Variants in RFTN1 observed in about 807,000 individuals in gnomAD.
The protein encoded by RFTN1 is raftlin.
In RFTN1, 26 loss-of-function variants were observed where a neutral mutation model predicts 46.5. The observed-to-expected ratio is 0.56, with a 90% CI of 0.41 to 0.78. The LOEUF is 0.78. RFTN1 is among the 30% of genes least tolerant of loss of function. The pLI is 0.00. For missense variants in RFTN1, 693 were observed against 718.7 expected, an observed-to-expected ratio of 0.96 and a Z score of 0.41; for synonymous variants, 261 against 284.2, an observed-to-expected ratio of 0.92 and a Z score of 0.82.
chr3:16,469,946 G>C (rs570065445), intron 2 of RFTN1, among the ~76,000 whole-genome samples: 32 of 152,310 alleles, frequency 2.1e-4, no homozygotes, highest in Non-Finnish European at 4.0e-4. Flanking sequence ...CAATAACCCA[G>C]AGGAGCTGTG....
At chr3:16,389,193 T>C (rs2074287857) in intron 4 of RFTN1, among the ~76,000 whole-genome samples, 1 of 152,218 alleles carries the variant, frequency 6.6e-6, no homozygotes, top group Non-Finnish European at 1.5e-5. Flanking sequence ...GGCATTGCTA[T>C]CCTAGTTTTA....
At chr3:16,401,614 A>G (rs900713875) in intron 4 of RFTN1, among the ~76,000 whole-genome samples, 1 of 152,222 alleles carries the variant, frequency 6.6e-6, no homozygotes, top group Non-Finnish European at 1.5e-5. Context: ...TCTACCTTGG[A>G]AAAGTGCTAT....
At chr3:16,438,169 A>T (rs979328558) in intron 2 of RFTN1, among the ~76,000 whole-genome samples, 2 of 152,100 alleles carry the variant, frequency 1.3e-5, no homozygotes, top group Non-Finnish European at 2.9e-5. Context: ...AATGATTCAA[A>T]TTTTTCAAAC....
At position 16,348,953 on chromosome 3, in the gene RFTN1, CTAAAAGAGG is replaced by C. The variant is rs1358131757; in HGVS notation, c.1146+8970_1146+8978del. ...GGAGGAGGCAGAGGGAAAATTCTGG[CTAAAAGAGG>C]TAAAAGAGGGACAGACAGCCATCCC... is the stretch of plus-strand genomic sequence containing the variant. On this transcript the variant is annotated intron_variant, in intron 7 of 9. Transcript: ENST00000334133. The surrounding 1 kb of genome is among the most constrained non-coding windows in gnomAD (Gnocchi z 6.3). 6.6e-6 allele frequency among the ~76,000 whole-genome samples: 1 copy of C among 152,148 alleles called. No homozygotes were observed. The highest frequency in any genetic ancestry group is 2.4e-5 in the African/African-American group (1 of 41,422).
rs1277678390 is a variant in RFTN1, at chr3:16,378,065, C to T, written c.479G>A (p.Gly160Asp). ...AGAGGAATGGTACTGAGGTATAACA[C>T]CAACGAATTTCAGGCCCTGGCTTGC... ...EAASQGLKFV[G>D]VIPQYHSSVN... is the part of the protein sequence containing the mutation. Residue 160 changes from glycine (G) to aspartate (D), a missense_variant, in exon 5 of 10, where the codon GGT (glycine) becomes GAT (aspartate). Transcript: ENST00000334133. 5.0e-6 allele frequency: 8 copies of T among 1,611,972 alleles called. No homozygotes were observed. Among genetic ancestry groups the T allele is most frequent in the Non-Finnish European group, 6.8e-6 (8 of 1,178,148 alleles).
Position 16,404,361 on chromosome 3 carries a change from C to T in RFTN1, c.441+5014G>A, listed in dbSNP as rs368988709. On this transcript the variant is annotated intron_variant, in intron 4 of 9. Coordinates refer to ENST00000334133, the MANE Select transcript of RFTN1 (RefSeq NM_015150.2). ...ATATATATAATATATAATATATATA[C>T]ACAATATATAATATATATAATATAT... 1.3e-3 allele frequency among the ~76,000 whole-genome samples: 16 copies of T among 12,072 alleles called. 3 individuals carry two copies. Among genetic ancestry groups the T allele is most frequent in the Admixed American group, 2.8e-3 (2 of 726 alleles). The allele number at this position is 12,072 out of a possible 152,430, so 7.9% of individuals were successfully genotyped here. A position where few individuals can be genotyped will look rare whatever the true frequency, so the allele number is the denominator to read the frequency against.
At position 16,356,607 on chromosome 3, in the gene RFTN1, C is replaced by T. The variant is rs975414698; in HGVS notation, c.1146+1325G>A. ...CTCACCCCCCACCATCCCATCTCCA[C>T]TTCAATAACCAGGCAAGGGACTGCC... On this transcript the variant is annotated intron_variant, in intron 7 of 9. Transcript: ENST00000334133. The surrounding 1 kb of genome is among the most constrained non-coding windows in gnomAD (Gnocchi z 4.9). Among the ~76,000 whole-genome samples, 3 of 152,246 alleles carry T rather than the reference C, an allele frequency of 2.0e-5. No homozygotes were observed. Among genetic ancestry groups the T allele is most frequent in the African/African-American group, 7.2e-5 (3 of 41,464 alleles).
At chr3:16,333,914 CCAGCA>C (rs1250084377) in intron 7 of RFTN1, among the ~76,000 whole-genome samples, 8 of 152,210 alleles carry the variant, frequency 5.3e-5, no homozygotes, top group African/African-American at 1.9e-4. Context: ...GCCTGTAATC[CCAGCA>C]CTTTGGGAGG....
Position 16,440,697 on chromosome 3 carries a change from G to A in RFTN1, c.146-6660C>T, listed in dbSNP as rs957361962. The stretch of plus-strand genomic sequence containing the variant: ...GATGGTTACTGCTAATGGGGGGGGG[G>A]CCCAATGGTGCCAGAACTTCTAACT... On this transcript the variant is annotated intron_variant, in intron 2 of 9. Coordinates refer to ENST00000334133, the MANE Select transcript of RFTN1 (RefSeq NM_015150.2). This position sits in a 1 kb window ranked among gnomAD's most constrained non-coding sequence, Gnocchi z 4.6. Among the ~76,000 whole-genome samples, 3 of 151,016 alleles carry A rather than the reference G, an allele frequency of 2.0e-5. No homozygotes were observed. Among genetic ancestry groups the A allele is most frequent in the East Asian group, 1.9e-4 (1 of 5,186 alleles).
chr3:16,420,616 G>T (rs1265097181), intron 3 of RFTN1, among the ~76,000 whole-genome samples: 1 of 152,180 alleles, frequency 6.6e-6, no homozygotes, highest in Admixed American at 6.5e-5. Context: ...AACTGAGTTA[G>T]GTGATAGAAA....
Position 16,321,147 on chromosome 3 carries a change from T to C in RFTN1, c.1332+2229A>G, listed in dbSNP as rs1241728763. ...GCCATTCCTCTAGATAGGGTGGCGGTTGGCCAGGTGGGCGAGGTATGGGGA... is the reference window on the plus strand; with the variant it reads ...GCCATTCCTCTAGATAGGGTGGCGGCTGGCCAGGTGGGCGAGGTATGGGGA... On this transcript the variant is annotated intron_variant, in intron 9 of 9. Transcript: ENST00000334133. The surrounding 1 kb of genome is among the most constrained non-coding windows in gnomAD (Gnocchi z 4.8). 6.6e-6 allele frequency among the ~76,000 whole-genome samples: 1 copy of C among 151,938 alleles called. No individual in the cohort carries two copies. The highest frequency in any genetic ancestry group is 1.5e-5 in the Non-Finnish European group (1 of 67,966).
At chr3:16,343,980 G>T (rs2071478573) in intron 7 of RFTN1, among the ~76,000 whole-genome samples, 1 of 152,172 alleles carries the variant, frequency 6.6e-6, no homozygotes, top group Non-Finnish European at 1.5e-5. Context: ...CTGAGGTGGA[G>T]CAGGGTCTCA....
chr3:16,493,519 C>T (rs189569903), intron 2 of RFTN1, among the ~76,000 whole-genome samples: 2 of 152,314 alleles, frequency 1.3e-5, no homozygotes, highest in African/African-American at 4.8e-5. Context: ...AGGCGTGAAC[C>T]ACTGTGCCCA....
At chr3:16,357,765 A>C (rs149852145) in intron 7 of RFTN1, among the ~76,000 whole-genome samples, 167 bp downstream of exon 7, 37 of 152,196 alleles carry the variant, frequency 2.4e-4, no homozygotes, top group South Asian at 6.2e-4. Context: ...TGGGGGTGGG[A>C]AAAGAGGGGA....
chr3:16,435,290 CA>C (rs1478674552), intron 2 of RFTN1, among the ~76,000 whole-genome samples: 2 of 152,160 alleles, frequency 1.3e-5, no homozygotes, highest in Non-Finnish European at 2.9e-5. Flanking sequence ...ACTTTTCGGC[CA>C]GGGGCAGTGG....
At position 16,451,678 on chromosome 3, in the gene RFTN1, C is replaced by T. The variant is rs2075825394; in HGVS notation, c.146-17641G>A. On this transcript the variant is annotated intron_variant, in intron 2 of 9. Coordinates refer to ENST00000334133, the MANE Select transcript of RFTN1 (RefSeq NM_015150.2). The surrounding 1 kb of genome is among the most constrained non-coding windows in gnomAD (Gnocchi z 4.2). ...TCATCTTCACTAAGCACATGTCATG[C>T]ACTGTGGCCATAACTTTTGCAGCCT... Among the ~76,000 whole-genome samples the T allele has an allele frequency of 6.6e-6, 1 of 150,778 alleles. No homozygotes were observed. Among genetic ancestry groups the T allele is most frequent in the Non-Finnish European group, 1.5e-5 (1 of 67,946 alleles).
At chr3:16,431,858 C>T (rs750324858) in intron 3 of RFTN1, among the ~76,000 whole-genome samples, 46 of 152,130 alleles carry the variant, frequency 3.0e-4, no homozygotes, top group Non-Finnish European at 5.7e-4. Flanking sequence ...AGTGGTTCTC[C>T]ACAAGAATTG....
chr3:16,419,309 G>A (rs971628402), intron 3 of RFTN1, among the ~76,000 whole-genome samples: 2 of 152,122 alleles, frequency 1.3e-5, no homozygotes, highest in East Asian at 1.9e-4. Flanking sequence ...GACGGTACTC[G>A]CCTTAACTGT....
In RFTN1 at chr3:16,385,547, TG is replaced by T. The variant is rs563700735; in HGVS notation, c.442-7446del. Among the ~76,000 whole-genome samples, 309 of 152,348 alleles carry T rather than the reference TG, an allele frequency of 2.0e-3. 1 individual carries two copies. The highest frequency in any genetic ancestry group is 3.7e-3 in the Non-Finnish European group (249 of 68,036). ...TAGTTATATTATTGGTCAAATCAGT[TG>T]ATTTATTTTAGCCTCAGTTTCTTAA... On this transcript the variant is annotated intron_variant, in intron 4 of 9. Transcript: ENST00000334133. This position sits in a 1 kb window ranked among gnomAD's most constrained non-coding sequence, Gnocchi z 5.0.
Sources: gnomAD v4.1 joint callset for allele counts (sites outside exome capture counted in the v4.1 genomes callset) on GRCh38, gnomAD v4.1.1 for gene constraint, Gnocchi (gnomAD v3.1) non-coding constraint, MANE v1.5 for transcripts, NCBI Gene and HGNC (gene_info 2026-07-23, HGNC 2026-07-21) for gene names.